The following ASAP3 variants were observed in gnomAD, a reference collection of about 807,000 sequenced individuals.
The protein encoded by ASAP3 is ArfGAP with SH3 domain, ankyrin repeat and PH domain 3.
A neutral mutation model predicts 118.2 loss-of-function variants in ASAP3; 85 were observed. The observed-to-expected ratio is 0.72, with a 90% CI of 0.60 to 0.86. The LOEUF is 0.86. ASAP3 is among the 40% of genes least tolerant of loss of function. ASAP3 has a pLI of 0.00. For synonymous variants in ASAP3, 432 were observed against 477.4 expected (o/e 0.90, Z 1.24); for missense variants, 1,026 against 1,175.0 (o/e 0.87, Z 1.85).
intron 1 of ASAP3, among the ~76,000 whole-genome samples, chr1:23,461,304 C>G (rs1368507675): frequency 6.6e-6 from 1 of 152,058 alleles, no homozygotes; most frequent in African/African-American, 2.4e-5. Context: ...TATGGTAACT[C>G]TATGTACTTC....
chr1:23,468,445 G>A (rs982067161), intron 1 of ASAP3, among the ~76,000 whole-genome samples: 1 of 152,170 alleles, frequency 6.6e-6, no homozygotes, highest in Non-Finnish European at 1.5e-5. Flanking sequence ...CGTGATGTGG[G>A]AAGATCAATG....
At chr1:23,473,080 C>G (rs1176533273) in intron 1 of ASAP3, among the ~76,000 whole-genome samples, 2 of 152,124 alleles carry the variant, frequency 1.3e-5, no homozygotes, top group Non-Finnish European at 2.9e-5. Flanking sequence ...TAGTTCTCTC[C>G]GTGCCCTCAG....
intron 1 of ASAP3, among the ~76,000 whole-genome samples, chr1:23,462,650 T>C (rs997346635): frequency 6.6e-6 from 1 of 151,766 alleles, no homozygotes; most frequent in East Asian, 2.0e-4. Flanking sequence ...TCCCAGCTAC[T>C]AGGGAGGCGG....
intron 1 of ASAP3, among the ~76,000 whole-genome samples, chr1:23,469,626 C>A (rs1234215020): frequency 1.3e-5 from 2 of 152,196 alleles, no homozygotes; most frequent in Non-Finnish European, 1.5e-5. Flanking sequence ...AAGCTCCCAG[C>A]TTGAGTCTAT....
At chr1:23,481,250 C>A (rs1642296607) in intron 1 of ASAP3, among the ~76,000 whole-genome samples, 1 of 152,070 alleles carries the variant, frequency 6.6e-6, no homozygotes, top group South Asian at 2.1e-4. Flanking sequence ...CAGGACTGTA[C>A]AAAAGGGCTG....
chr1:23,448,394 A>T (rs181037502), intron 5 of ASAP3, among the ~76,000 whole-genome samples: 1 of 152,182 alleles, frequency 6.6e-6, no homozygotes, highest in Non-Finnish European at 1.5e-5. Flanking sequence ...AGATGCAAAG[A>T]CCTTACTCCA....
rs1290531863 is a variant in ASAP3 at position 23,437,573 on chromosome 1, G to T, written c.1103-101C>A. ...AGCCGCTGGGGCCACATGGAGATGTGTCCCTGACAAGTCGGACTCTCAAGC... is the reference window on the plus strand; with the variant it reads ...AGCCGCTGGGGCCACATGGAGATGTTTCCCTGACAAGTCGGACTCTCAAGC... On this transcript the variant is annotated intron_variant, in intron 12 of 24. Transcript: ENST00000336689. The surrounding 1 kb of genome is among the most constrained non-coding windows in gnomAD (Gnocchi z 6.1). 2.1e-6 allele frequency: 3 copies of T among 1,424,840 alleles called. No homozygotes were observed. The highest frequency in any genetic ancestry group is 2.9e-6 in the Non-Finnish European group (3 of 1,034,472). 88.3% of individuals were successfully genotyped at this position (1,424,840 alleles called of 1,614,324 possible).
Position 23,433,712 on chromosome 1 carries a change from AG to A in ASAP3, c.1952-20del. ...TCATTTACTGTGAGCGGGGAAAGTCAGGGTTCATGGTCATAGTCAAAGAAAC... is the reference window on the plus strand; with the variant it reads ...TCATTTACTGTGAGCGGGGAAAGTCAGGTTCATGGTCATAGTCAAAGAAAC... On this transcript the variant is annotated intron_variant, in intron 19 of 24. Transcript: ENST00000336689. 1 of 1,614,044 alleles carries A rather than the reference AG, an allele frequency of 6.2e-7. No individual in the cohort carries two copies. Among genetic ancestry groups the A allele is most frequent in the Non-Finnish European group, 8.5e-7 (1 of 1,180,028 alleles).
rs1257572658 is a variant in ASAP3 at position 23,437,122 on chromosome 1, G to A, written c.1342+8C>T. On this transcript the variant is annotated splice_region_variant and intron_variant, in intron 14 of 24. Transcript: ENST00000336689. The surrounding 1 kb of genome is among the most constrained non-coding windows in gnomAD (Gnocchi z 6.1). ...AGCCTCCCTCCTGCCCCGGCCCCGG[G>A]GACCGACCTGCAGCCCCGCAGTCGC... is the stretch of plus-strand genomic sequence containing the variant. 3 of 1,602,060 alleles carry A rather than the reference G, an allele frequency of 1.9e-6. No homozygotes were observed. Among genetic ancestry groups the A allele is most frequent in the African/African-American group, 2.7e-5 (2 of 74,700 alleles).
At chr1:23,468,984 CT>C (rs1413446378) in intron 1 of ASAP3, among the ~76,000 whole-genome samples, 2 of 150,328 alleles carry the variant, frequency 1.3e-5, no homozygotes, top group African/African-American at 4.9e-5. Flanking sequence ...CCCAGGGCTT[CT>C]CACTTCTAGA....
At chr1:23,481,045 C>T (rs942560183) in intron 1 of ASAP3, among the ~76,000 whole-genome samples, 6 of 152,104 alleles carry the variant, frequency 3.9e-5, no homozygotes, top group African/African-American at 1.4e-4. Context: ...GAGAACAGGA[C>T]CGGGGGTAGA....
intron 1 of ASAP3, among the ~76,000 whole-genome samples, chr1:23,476,756 C>T (rs903611438): frequency 6.6e-6 from 1 of 152,202 alleles, no homozygotes; most frequent in Non-Finnish European, 1.5e-5. Flanking sequence ...CCTTGGGCCC[C>T]CTTTCAGGGT....
At chr1:23,434,212 G>A in intron 19 of ASAP3, 42 bp downstream of exon 19, 1 of 1,595,602 alleles carries the variant, frequency 6.3e-7, no homozygotes, top group South Asian at 1.1e-5. Flanking sequence ...ATAAGGGGTA[G>A]TCAGGAATAG....
intron 1 of ASAP3, among the ~76,000 whole-genome samples, chr1:23,464,212 A>G (rs976913977): frequency 6.0e-5 from 9 of 151,122 alleles, no homozygotes; most frequent in Non-Finnish European, 1.3e-4. Context: ...TTTGAGACAC[A>G]GTCTCTCTCT....
Position 23,429,689 on chromosome 1 carries a change from T to C in ASAP3, c.*167A>G. 1.6e-6 allele frequency: 1 copy of C among 636,630 alleles called. No individual in the cohort carries two copies. The highest frequency in any genetic ancestry group is 2.7e-6 in the Non-Finnish European group (1 of 375,288). The allele number at this position is 636,630 out of a possible 1,614,324, so 39.4% of individuals were successfully genotyped here. ...CTAACAGGGAAAGGCCATGTGTCCT[T>C]GGTAGAGGCATGGCCTGTGGCAGGA... On this transcript the variant is annotated 3_prime_UTR_variant, in exon 25 of 25. Transcript: ENST00000336689.
At chr1:23,433,577 G>A (rs35769821) in intron 20 of ASAP3, 45 bp from the exon 21 acceptor site, 1 of 1,614,094 alleles carries the variant, frequency 6.2e-7, no homozygotes, top group Admixed American at 1.7e-5. Flanking sequence ...TGGGGGCTCA[G>A]CAGGGAGAGA....
intron 23 of ASAP3, 139 bp downstream of exon 23, chr1:23,431,557 C>T: frequency 2.4e-6 from 2 of 836,484 alleles, no homozygotes; most frequent in Non-Finnish European, 3.6e-6. Flanking sequence ...CAGGGTTCAG[C>T]ATTTCTGCAT....
At position 23,438,949 on chromosome 1, in the gene ASAP3, C is replaced by T; in HGVS notation, c.1015-115G>A. 8.2e-7 allele frequency: 1 copy of T among 1,217,036 alleles called. No individual in the cohort carries two copies. The highest frequency in any genetic ancestry group is 1.2e-6 in the Non-Finnish European group (1 of 843,604). The allele number at this position is 1,217,036 out of a possible 1,614,324, so 75.4% of individuals were successfully genotyped here. On this transcript the variant is annotated intron_variant, in intron 11 of 24. Transcript: ENST00000336689. This position sits in a 1 kb window ranked among gnomAD's most constrained non-coding sequence, Gnocchi z 4.9. ...TAATCATCCTGTTCCATTTGTGTTT[C>T]TCCTCACCCAGCAGCACCTCAAGGA...
intron 1 of ASAP3, among the ~76,000 whole-genome samples, chr1:23,457,550 CTT>C (rs1334243129): frequency 6.6e-6 from 1 of 152,118 alleles, no homozygotes; most frequent in Non-Finnish European, 1.5e-5. Flanking sequence ...AAGTTTTGCT[CTT>C]GTTGCTCAGG....
Sources: gnomAD v4.1 joint callset for allele counts (sites outside exome capture counted in the v4.1 genomes callset) on GRCh38, gnomAD v4.1.1 for gene constraint, Gnocchi (gnomAD v3.1) non-coding constraint, MANE v1.5 for transcripts, NCBI Gene and HGNC (gene_info 2026-07-23, HGNC 2026-07-21) for gene names.